GALK2: variants seen among roughly 807,000 people sequenced by gnomAD.
GALK2 encodes the protein N-acetylgalactosamine kinase.
In GALK2, 36 loss-of-function variants were observed where a neutral mutation model predicts 52.4. That is an observed-to-expected ratio of 0.69 (90% CI 0.53 to 0.91). GALK2 has a LOEUF of 0.91. GALK2 is among the 40% of genes least tolerant of loss of function. The probability of loss-of-function intolerance (pLI) is 0.00; values close to 1 mark genes in which losing one functional copy is unlikely to be tolerated. For synonymous variants in GALK2, 176 were observed against 199.1 expected (o/e 0.88, Z 0.98); for missense variants, 579 against 559.1 (o/e 1.04, Z -0.36).
Position 49,358,933 on chromosome 15 carries a change from G to A in GALK2, c.427-8558G>A, listed in dbSNP as rs574476820. Among the ~76,000 whole-genome samples, 76 of 144,952 alleles carry A rather than the reference G, an allele frequency of 5.2e-4. No homozygotes were observed. In the East Asian group the frequency reaches 6.4e-3, roughly 12 times the overall value. Reference sequence around the variant, plus strand: ...GAACAGAGCCCTCAGAAATAACGCCGCATATCTACAACTATCTGATCTTTG... The same window carrying A: ...GAACAGAGCCCTCAGAAATAACGCCACATATCTACAACTATCTGATCTTTG... On this transcript the variant is annotated intron_variant, in intron 3 of 3. Coordinates refer to the GALK2 transcript ENST00000558399.
intron 3 of GALK2, among the ~76,000 whole-genome samples, chr15:49,222,639 A>G (rs1357568587): frequency 2.0e-5 from 3 of 152,150 alleles, no homozygotes; most frequent in East Asian, 1.9e-4. Context: ...CTCTATGTCT[A>G]TTGAGATGAT....
chr15:49,266,807 CT>C (rs2092377950), intron 5 of GALK2, among the ~76,000 whole-genome samples: 2 of 152,024 alleles, frequency 1.3e-5, no homozygotes, highest in Admixed American at 1.3e-4. Context: ...TTGTTATAAC[CT>C]TGTGGTATTA....
chr15:49,255,100 TC>T lies in GALK2; in HGVS notation c.504+15734del, dbSNP rs760441841. 1.1e-3 allele frequency among the ~76,000 whole-genome samples: 154 copies of T among 143,800 alleles called. 18 individuals carry two copies. The highest frequency in any genetic ancestry group is 1.6e-3 in the Admixed American group (23 of 14,194). The allele number at this position is 143,800 out of a possible 152,430, so 94.3% of individuals were successfully genotyped here. A position where few individuals can be genotyped will look rare whatever the true frequency, so the allele number is the denominator to read the frequency against. ...GCATTCTTTAATATGCCACACTATA[TC>T]ATTGGAACATTTAACATTGATATAA... On this transcript the variant is annotated intron_variant, in intron 5 of 9. Transcript: ENST00000560031.
At chr15:49,283,779 G>A in intron 7 of GALK2, 61 bp downstream of exon 7, 2 of 1,554,972 alleles carry the variant, frequency 1.3e-6, no homozygotes, top group Non-Finnish European at 1.8e-6. Flanking sequence ...TATTTTCATT[G>A]TTCTCTATTA....
chr15:49,164,392 A>G (rs548508575), intron 1 of GALK2, among the ~76,000 whole-genome samples: 1 of 152,178 alleles, frequency 6.6e-6, no homozygotes, highest in Non-Finnish European at 1.5e-5. Flanking sequence ...TCAGCTCCTC[A>G]TTGAGGTGGG....
chr15:49,193,679 T>C (rs2086954297), intron 1 of GALK2, among the ~76,000 whole-genome samples: 1 of 151,986 alleles, frequency 6.6e-6, no homozygotes, highest in Non-Finnish European at 1.5e-5. Flanking sequence ...TTTTACCTTT[T>C]CCCAGAAGTC....
intron 5 of GALK2, among the ~76,000 whole-genome samples, chr15:49,277,330 G>A (rs1377929299): frequency 7.0e-6 from 1 of 141,908 alleles, no homozygotes; most frequent in Non-Finnish European, 1.5e-5. Flanking sequence ...CACTACGCCC[G>A]GCTAATTTTT....
At chr15:49,178,212 T>G (rs1263283783) in intron 1 of GALK2, among the ~76,000 whole-genome samples, 11 of 114,314 alleles carry the variant, frequency 9.6e-5, no homozygotes, top group African/African-American at 3.6e-4. Flanking sequence ...TATATATATA[T>G]ATATATATAT....
At chr15:49,227,943 A>G (rs1271529088) in intron 3 of GALK2, among the ~76,000 whole-genome samples, 1 of 152,054 alleles carries the variant, frequency 6.6e-6, no homozygotes, top group Non-Finnish European at 1.5e-5. Context: ...TTGTTTTTCT[A>G]GGAAAGACTT....
At chr15:49,202,153 G>A (rs940883075) in intron 2 of GALK2, among the ~76,000 whole-genome samples, 2 of 152,068 alleles carry the variant, frequency 1.3e-5, no homozygotes, top group African/African-American at 4.8e-5. Flanking sequence ...ACAGGCATGT[G>A]CCACCATGCC....
At chr15:49,186,461 C>G (rs2086345916) in intron 1 of GALK2, among the ~76,000 whole-genome samples, 1 of 149,998 alleles carries the variant, frequency 6.7e-6, no homozygotes, top group East Asian at 2.0e-4. Context: ...CTGTTTGATT[C>G]TTTTAAATTA....
intron 9 of GALK2, 112 bp downstream of exon 9, chr15:49,319,917 C>T: frequency 1.1e-6 from 1 of 878,714 alleles, no homozygotes; most frequent in Admixed American, 2.4e-5. Context: ...TCCCCACTTC[C>T]TATATGAGGA....
intron 9 of GALK2, among the ~76,000 whole-genome samples, chr15:49,322,602 A>G (rs2036969801): frequency 1.3e-5 from 2 of 152,062 alleles, no homozygotes; most frequent in South Asian, 4.1e-4. Flanking sequence ...ATCAATACAT[A>G]TTTTCACATG....
At chr15:49,351,424 C>T (rs1455161401) in intron 3 of GALK2, among the ~76,000 whole-genome samples, 2 of 152,144 alleles carry the variant, frequency 1.3e-5, no homozygotes, top group Non-Finnish European at 2.9e-5. Flanking sequence ...TGAGATCTTA[C>T]CATAGGACAA....
intron 3 of GALK2, among the ~76,000 whole-genome samples, chr15:49,355,184 TCTC>T (rs1001952755): frequency 3.9e-5 from 6 of 151,940 alleles, no homozygotes; most frequent in African/African-American, 1.2e-4. Flanking sequence ...GCAGAGCGCC[TCTC>T]CTCCTCCAAA....
chr15:49,168,595 G>C (rs550173831), upstream of GALK2, among the ~76,000 whole-genome samples: 1 of 152,046 alleles, frequency 6.6e-6, no homozygotes, highest in Non-Finnish European at 1.5e-5. Context: ...GCGGCTGCCT[G>C]TATTCCCAGC....
intron 8 of GALK2, among the ~76,000 whole-genome samples, chr15:49,304,043 A>AT: frequency 6.6e-6 from 1 of 152,190 alleles, no homozygotes; most frequent in Non-Finnish European, 1.5e-5. Context: ...GCTTCTGCAG[A>AT]TATAAGGACA....
intron 3 of GALK2, among the ~76,000 whole-genome samples, chr15:49,225,736 T>C (rs944622965): frequency 6.6e-6 from 1 of 152,216 alleles, no homozygotes; most frequent in Non-Finnish European, 1.5e-5. Context: ...TGGCTACAGA[T>C]CTTGGCTCAA....
intron 1 of GALK2, among the ~76,000 whole-genome samples, chr15:49,190,065 A>G (rs1442638574): frequency 6.6e-6 from 1 of 152,146 alleles, no homozygotes; most frequent in Non-Finnish European, 1.5e-5. Context: ...ATGAGCAGCT[A>G]TTTTATAGAA....
Sources: gnomAD v4.1 joint callset for allele counts (sites outside exome capture counted in the v4.1 genomes callset) on GRCh38, gnomAD v4.1.1 for gene constraint, MANE v1.5 for transcripts, NCBI Gene and HGNC (gene_info 2026-07-23, HGNC 2026-07-21) for gene names.